The following GLRA2 variants were observed in gnomAD, a reference collection of about 807,000 sequenced individuals.
GLRA2 encodes glycine receptor alpha 2, also known as glycine receptor subunit alpha-2.
A neutral mutation model predicts 31.6 loss-of-function variants in GLRA2; 11 were observed. The ratio of observed to expected loss-of-function variants is 0.35; its 90% confidence interval spans 0.22 to 0.58. The LOEUF (loss-of-function observed/expected upper bound fraction) is 0.58, where lower values mean the gene tolerates loss of function less well. GLRA2 is among the 20% of genes least tolerant of loss of function. GLRA2 has a pLI of 0.84. For missense variants in GLRA2, 212 were observed against 351.8 expected (o/e 0.60, Z 3.18); for synonymous variants, 132 against 134.0 (o/e 0.99, Z 0.10).
the GLRA2 span, among the ~76,000 whole-genome samples, chrX:14,517,847 T>C: frequency 9.0e-6 from 1 of 111,417 alleles, no homozygotes; most frequent in Non-Finnish European, 1.9e-5. Context: ...GATTAACAAA[T>C]GTTACCAATA....
At chrX:14,643,277 T>C (rs1415590671) in intron 7 of GLRA2, among the ~76,000 whole-genome samples, 1 of 112,096 alleles carries the variant, frequency 8.9e-6, no homozygotes, top group East Asian at 2.8e-4. Context: ...TCAGCCATGA[T>C]GTGTCAGACT....
intron 7 of GLRA2, among the ~76,000 whole-genome samples, chrX:14,684,516 T>C (rs112471992): frequency 2.7e-5 from 3 of 111,671 alleles, no homozygotes; most frequent in African/African-American, 9.8e-5. Context: ...GTAGTTCTCC[T>C]TGAACAGGTC....
At chrX:14,489,881 C>T in the GLRA2 span, among the ~76,000 whole-genome samples, 1 of 111,596 alleles carries the variant, frequency 9.0e-6, no homozygotes, top group African/African-American at 3.3e-5. Flanking sequence ...AATAAAAATC[C>T]ATTGCTTATC....
the GLRA2 span, among the ~76,000 whole-genome samples, chrX:14,480,840 G>T: frequency 9.0e-6 from 1 of 111,335 alleles, no homozygotes; most frequent in Non-Finnish European, 1.9e-5. Flanking sequence ...TTAGCTATTC[G>T]GGCTTTTTGT....
chrX:14,622,313 T>G (rs1376597635), intron 7 of GLRA2, among the ~76,000 whole-genome samples: 3 of 111,754 alleles, frequency 2.7e-5, no homozygotes, highest in Non-Finnish European at 5.6e-5. Context: ...TCTGTAGGTT[T>G]CCTGTTCACT....
At chrX:14,502,941 A>C in the GLRA2 span, among the ~76,000 whole-genome samples, 1 of 109,327 alleles carries the variant, frequency 9.1e-6, no homozygotes, top group African/African-American at 3.3e-5. Context: ...ACTTGTTTAG[A>C]GTCTGAGAGC....
At chrX:14,627,756 G>A (rs1031630462) in intron 7 of GLRA2, among the ~76,000 whole-genome samples, 2 of 111,558 alleles carry the variant, frequency 1.8e-5, no homozygotes, top group Non-Finnish European at 3.8e-5. Context: ...TCTGAAGGTA[G>A]GTACAAGATA....
chrX:14,486,075 G>A, the GLRA2 span, among the ~76,000 whole-genome samples: 1 of 110,806 alleles, frequency 9.0e-6, no homozygotes, highest in African/African-American at 3.3e-5. Flanking sequence ...CAGACTAGTG[G>A]GAAAAAAGAG....
intron 8 of GLRA2, among the ~76,000 whole-genome samples, chrX:14,696,123 G>T (rs942565718): frequency 3.8e-5 from 4 of 105,391 alleles, no homozygotes; most frequent in African/African-American, 1.4e-4. Flanking sequence ...TGAAAGAAGA[G>T]AATGTAGAAG....
intron 3 of GLRA2, among the ~76,000 whole-genome samples, chrX:14,580,157 A>G: frequency 8.9e-6 from 1 of 111,848 alleles, no homozygotes; most frequent in Non-Finnish European, 1.9e-5. Flanking sequence ...AAACCAGGAC[A>G]AGTTAGTCAC....
intron 8 of GLRA2, among the ~76,000 whole-genome samples, chrX:14,721,660 T>C (rs1005536622): frequency 9.0e-6 from 1 of 111,468 alleles, no homozygotes. Flanking sequence ...CCACCCTGTA[T>C]ATGATTTTTT....
At chrX:14,676,834 G>C (rs1228597600) in intron 7 of GLRA2, among the ~76,000 whole-genome samples, 1 of 111,601 alleles carries the variant, frequency 9.0e-6, no homozygotes, top group East Asian at 2.8e-4. Flanking sequence ...TGTAATTCAT[G>C]AAAAAAATTG....
the GLRA2 span, among the ~76,000 whole-genome samples, chrX:14,519,226 G>C: frequency 9.0e-6 from 1 of 110,547 alleles, no homozygotes; most frequent in Admixed American, 9.7e-5. Flanking sequence ...ATTTCAATTA[G>C]TGGTGAACTT....
intron 7 of GLRA2, among the ~76,000 whole-genome samples, chrX:14,644,239 A>G (rs1230903801): frequency 1.8e-5 from 2 of 111,884 alleles, no homozygotes; most frequent in Middle Eastern, 4.6e-3. Flanking sequence ...AGATTTCCCC[A>G]TAATAGTGCC....
chrX:14,564,951 A>C (rs72614571), intron 2 of GLRA2, among the ~76,000 whole-genome samples: 17,093 of 110,614 alleles, frequency 0.15, 1,252 homozygotes, highest in Non-Finnish European at 0.22. Flanking sequence ...CTACAAAAAA[A>C]ATCAACTAAA....
At chrX:14,534,392 A>G (rs1459921582) in intron 2 of GLRA2, among the ~76,000 whole-genome samples, 1 of 110,679 alleles carries the variant, frequency 9.0e-6, no homozygotes, top group Non-Finnish European at 1.9e-5. Flanking sequence ...ACCTTTTCAT[A>G]AAATTTATTT....
intron 4 of GLRA2, among the ~76,000 whole-genome samples, chrX:14,583,741 CAAACAA>C (rs749158576): frequency 3.1e-4 from 34 of 110,570 alleles, no homozygotes; most frequent in Admixed American, 5.8e-4. Context: ...TCTGTGTCAA[CAAACAA>C]AAACAAAAAC....
chrX:14,450,992 G>T, the GLRA2 span, among the ~76,000 whole-genome samples: 1 of 111,180 alleles, frequency 9.0e-6, no homozygotes, highest in African/African-American at 3.3e-5. Context: ...GAGCCAACAT[G>T]CCCAGTCCTA....
At chrX:14,596,009 C>G (rs141903215) in intron 4 of GLRA2, among the ~76,000 whole-genome samples, 4 of 111,462 alleles carry the variant, frequency 3.6e-5, no homozygotes, top group Non-Finnish European at 7.5e-5. Flanking sequence ...AGTTACAGCC[C>G]AGATGCAGTC....
Sources: allele counts gnomAD v4.1 joint callset (sites outside exome capture counted in the v4.1 genomes callset), GRCh38; gene constraint gnomAD v4.1.1; transcripts MANE v1.5; gene names NCBI Gene and HGNC (gene_info 2026-07-23, HGNC 2026-07-21).